The following WDR17 variants were observed in gnomAD, a reference collection of about 807,000 sequenced individuals.
WDR17 encodes WD repeat-containing protein 17.
In WDR17, 143 loss-of-function variants were observed where a neutral mutation model predicts 161.7. That is an observed-to-expected ratio of 0.88 (90% CI 0.77 to 1.02). WDR17 has a LOEUF of 1.02. Among genes scored for constraint, WDR17 ranks in the 50% least tolerant of loss-of-function variants. WDR17 has a pLI of 0.00. For missense variants in WDR17, 1,469 were observed against 1,520.9 expected, an observed-to-expected ratio of 0.97 and a Z score of 0.57; for synonymous variants, 517 against 515.6, an observed-to-expected ratio of 1.00 and a Z score of -0.04.
rs549484446 is a variant in WDR17 at position 176,174,840 on chromosome 4, A to C, written c.3449+122A>C. ...ATTACAAGTATCCATCTATTTACTCAGCGTGTGCTTTATAATAAAGCAGCA... is the reference window on the plus strand; with the variant it reads ...ATTACAAGTATCCATCTATTTACTCCGCGTGTGCTTTATAATAAAGCAGCA... On this transcript the variant is annotated intron_variant, in intron 26 of 28. Coordinates refer to ENST00000508596, the MANE Select transcript of WDR17 (RefSeq NM_181265.4). The C allele has an allele frequency of 5.1e-4, 271 of 529,492 alleles. 3 individuals carry two copies. The South Asian group carries it at 7.1e-3, about 14-fold the overall frequency. 32.8% of individuals were successfully genotyped at this position (529,492 alleles called of 1,614,324 possible). A position where few individuals can be genotyped will look rare whatever the true frequency, so the allele number is the denominator to read the frequency against.
At chr4:176,112,037 C>T (rs1429363617) in intron 2 of WDR17, among the ~76,000 whole-genome samples, 6 of 152,012 alleles carry the variant, frequency 3.9e-5, no homozygotes, top group Admixed American at 6.6e-5. Flanking sequence ...CTATGTTTTT[C>T]GTGTCCTAGC....
chr4:176,119,661 T>G (rs1741225345), intron 3 of WDR17, among the ~76,000 whole-genome samples: 1 of 152,212 alleles, frequency 6.6e-6, no homozygotes, highest in South Asian at 2.1e-4. Flanking sequence ...TAAACCTAAC[T>G]AGATACATTT....
intron 12 of WDR17, among the ~76,000 whole-genome samples, chr4:176,146,635 A>C (rs1746216168): frequency 6.6e-6 from 1 of 152,170 alleles, no homozygotes; most frequent in Non-Finnish European, 1.5e-5. Context: ...TGGGACTTCA[A>C]AGCCTAACTA....
intron 6 of WDR17, 117 bp from the exon 7 acceptor site, chr4:176,131,437 G>C (rs556495752): frequency 9.9e-7 from 1 of 1,011,506 alleles, no homozygotes. Flanking sequence ...GAGAATATAT[G>C]ATCATTGCCT....
chr4:176,112,568 C>T (rs536246957), intron 2 of WDR17, among the ~76,000 whole-genome samples: 13 of 152,274 alleles, frequency 8.5e-5, no homozygotes, highest in African/African-American at 3.1e-4. Flanking sequence ...TCATATCTTG[C>T]CTTTGCTTAC....
chr4:176,154,147 G>A (rs373063353), intron 17 of WDR17, among the ~76,000 whole-genome samples: 7 of 152,134 alleles, frequency 4.6e-5, no homozygotes, highest in African/African-American at 7.2e-5. Flanking sequence ...GTTCATCGAT[G>A]TACTTAATGA....
intron 1 of WDR17, among the ~76,000 whole-genome samples, chr4:176,081,571 A>G (rs1734751855): frequency 6.6e-6 from 1 of 152,170 alleles, no homozygotes; most frequent in Non-Finnish European, 1.5e-5. Flanking sequence ...AGTGCAAATA[A>G]CAGAAAATCA....
intron 9 of WDR17, 138 bp from the exon 10 acceptor site, chr4:176,139,754 G>T: frequency 1.6e-6 from 1 of 615,340 alleles, no homozygotes; most frequent in Non-Finnish European, 2.8e-6. Flanking sequence ...TCAGGTTTCT[G>T]CTCTTGACAG....
chr4:176,167,644 CAAAAAAAAAA>C (rs34187946), intron 22 of WDR17, among the ~76,000 whole-genome samples: 4 of 23,834 alleles, frequency 1.7e-4, no homozygotes, highest in Non-Finnish European at 2.1e-4. Context: ...GACTCCGTCT[CAAAAAAAAAA>C]AAAAAAAAAA....
chr4:176,101,259 T>C (rs1031583454), intron 1 of WDR17, among the ~76,000 whole-genome samples: 1 of 152,118 alleles, frequency 6.6e-6, no homozygotes, highest in African/African-American at 2.4e-5. Context: ...CTGGGGGTAC[T>C]GAGAAGCACT....
rs1211172859 is a variant in WDR17, at chr4:176,160,980, A to G, written c.2728A>G (p.Ile910Val). 1 of 1,609,712 alleles carries G rather than the reference A, an allele frequency of 6.2e-7. No individual in the cohort carries two copies. The highest frequency in any genetic ancestry group is 1.7e-5 in the Admixed American group (1 of 59,524). ...VPKGASYSDD[I>V]YKEDFNELLH... The stretch of plus-strand genomic sequence containing the variant: ...TAAAGGAGCTTCATATTCTGATGAT[A>G]TCTACAAGGAAGACTTTAATGAGTG... The change falls in exon 20 of 29, where the codon ATC becomes GTC. Residue 910 changes from isoleucine (I) to valine (V), a missense_variant. Ile to Val is a conservative substitution (Grantham distance 29). Coordinates refer to ENST00000508596, the MANE Select transcript of WDR17 (RefSeq NM_181265.4).
chr4:176,091,831 T>C lies in WDR17; in HGVS notation c.-6-19744T>C, dbSNP rs533694566. On this transcript the variant is annotated intron_variant, in intron 1 of 28. Coordinates refer to ENST00000508596, the MANE Select transcript of WDR17 (RefSeq NM_181265.4). ...AAATTCAAAGGTTCATTGAAAATAC[T>C]ATTAGCAATTACATGTCAATAAATT... 3.3e-5 allele frequency among the ~76,000 whole-genome samples: 5 copies of C among 152,214 alleles called. No individual in the cohort carries two copies. In the South Asian group the frequency reaches 1.0e-3, roughly 32 times the overall value.
intron 4 of WDR17, among the ~76,000 whole-genome samples, chr4:176,122,462 C>T (rs1445315147): frequency 6.6e-6 from 1 of 152,248 alleles, no homozygotes; most frequent in East Asian, 1.9e-4. Flanking sequence ...ATTTATTTAG[C>T]AATTAATGTG....
At chr4:176,155,981 A>G (rs1241132082) in intron 17 of WDR17, 98 bp from the exon 18 acceptor site, 5 of 1,061,136 alleles carry the variant, frequency 4.7e-6, no homozygotes, top group Admixed American at 5.0e-5. Flanking sequence ...ATATAAAAAT[A>G]CTATATTATA....
chr4:176,091,412 T>C (rs1414020001), intron 1 of WDR17, among the ~76,000 whole-genome samples: 1 of 152,074 alleles, frequency 6.6e-6, no homozygotes, highest in African/African-American at 2.4e-5. Flanking sequence ...GGTTAATGGA[T>C]AAATTAAAGA....
At position 176,070,749 on chromosome 4, in the gene WDR17, G is replaced by A. The variant is rs142055309; in HGVS notation, c.-7+4670G>A. ...TTGCCCAGGCTGATCTGGAACTCCT[G>A]GGCTCAAGCGATCCACCCAACTTGG... On this transcript the variant is annotated intron_variant, in intron 1 of 28. Coordinates refer to ENST00000508596, the MANE Select transcript of WDR17 (RefSeq NM_181265.4). Among the ~76,000 whole-genome samples, 678 of 152,002 alleles carry A rather than the reference G, an allele frequency of 4.5e-3. 8 individuals are homozygous for A. Among genetic ancestry groups the A allele is most frequent in the African/African-American group, 0.016 (657 of 41,470 alleles).
At chr4:176,125,471 T>C in intron 5 of WDR17, 116 bp downstream of exon 5, 1 of 1,226,406 alleles carries the variant, frequency 8.2e-7, no homozygotes, top group Non-Finnish European at 1.1e-6. Context: ...AGCTCAATTA[T>C]TATTTATTGT....
At chr4:176,158,770 T>A (rs1026479826) in intron 18 of WDR17, among the ~76,000 whole-genome samples, 10 of 152,198 alleles carry the variant, frequency 6.6e-5, no homozygotes, top group Admixed American at 4.6e-4. Flanking sequence ...TCATTTATCT[T>A]TGAAAGCCAA....
chr4:176,076,213 TAATATA>T (rs1297141044), intron 1 of WDR17, among the ~76,000 whole-genome samples: 8 of 19,910 alleles, frequency 4.0e-4, no homozygotes, highest in Non-Finnish European at 4.6e-4. Flanking sequence ...TTTACATATA[TAATATA>T]TATATATATA....
Sources: gnomAD v4.1 joint callset for allele counts (sites outside exome capture counted in the v4.1 genomes callset) on GRCh38, gnomAD v4.1.1 for gene constraint, MANE v1.5 for transcripts, NCBI Gene and HGNC (gene_info 2026-07-23, HGNC 2026-07-21) for gene names.